The following BTRC variants were observed in gnomAD, a reference collection of about 807,000 sequenced individuals.
BTRC encodes the protein F-box/WD repeat-containing protein 1A.
In BTRC, 42 loss-of-function variants were observed where a neutral mutation model predicts 85.5. The observed-to-expected ratio is 0.49, with a 90% CI of 0.38 to 0.64. The LOEUF is 0.64. Ranked by LOEUF, BTRC falls within the 30% of genes least tolerant of loss-of-function variation. BTRC has a pLI of 0.00. For synonymous variants in BTRC, 255 were observed against 263.3 expected, an observed-to-expected ratio of 0.97 and a Z score of 0.30; for missense variants, 594 against 743.5, an observed-to-expected ratio of 0.80 and a Z score of 2.34.
chr10:101,448,574 C>G (rs1944884736), intron 2 of BTRC, among the ~76,000 whole-genome samples: 1 of 152,106 alleles, frequency 6.6e-6, no homozygotes, highest in Non-Finnish European at 1.5e-5. Flanking sequence ...ACCTTAGGGT[C>G]TGGCTACTTA....
intron 1 of BTRC, 29 bp downstream of exon 1, chr10:101,354,257 G>C (rs1165963426): frequency 6.5e-7 from 1 of 1,547,838 alleles, no homozygotes; most frequent in Non-Finnish European, 8.7e-7. Flanking sequence ...CCGGGGAACG[G>C]TGGAGGCGCT....
At chr10:101,384,628 T>C (rs1943021498) in intron 1 of BTRC, among the ~76,000 whole-genome samples, 2 of 152,210 alleles carry the variant, frequency 1.3e-5, no homozygotes, top group African/African-American at 4.8e-5. Context: ...TTTCAAAGGC[T>C]CAGGTTTGGA....
At chr10:101,523,903 T>C (rs1047487803) in intron 5 of BTRC, among the ~76,000 whole-genome samples, 1 of 152,122 alleles carries the variant, frequency 6.6e-6, no homozygotes, top group Non-Finnish European at 1.5e-5. Flanking sequence ...TGATGATGAA[T>C]TTTTATACAT....
At chr10:101,499,236 T>C (rs1946342528) in intron 4 of BTRC, among the ~76,000 whole-genome samples, 2 of 152,132 alleles carry the variant, frequency 1.3e-5, no homozygotes, top group South Asian at 4.2e-4. Context: ...TGTCTGACAC[T>C]ATGCAGTACT....
At chr10:101,541,555 C>T (rs902028794) in intron 13 of BTRC, among the ~76,000 whole-genome samples, 11 of 152,240 alleles carry the variant, frequency 7.2e-5, no homozygotes, top group Middle Eastern at 3.4e-3. Context: ...CCACCGCGCC[C>T]GGCCTAGGGT....
rs371758415 is a variant in BTRC at position 101,537,870 on chromosome 10, A to G, written c.1578-423A>G. Among the ~76,000 whole-genome samples the G allele has an allele frequency of 2.5e-4, 38 of 152,292 alleles. 2 individuals carry two copies. The South Asian group carries it at 7.0e-3, about 28-fold the overall frequency. ...TGTCTGCTATGTACCTTGAGGAAAC[A>G]TGGCCTATTAAAAGATTTTTGGAAG... On this transcript the variant is annotated intron_variant, in intron 12 of 14. Transcript: ENST00000370187.
At chr10:101,487,859 T>C (rs1946030628) in intron 4 of BTRC, among the ~76,000 whole-genome samples, 1 of 152,112 alleles carries the variant, frequency 6.6e-6, no homozygotes, top group African/African-American at 2.4e-5. Context: ...AGCAAAAAAA[T>C]CTGTGTTTTA....
intron 1 of BTRC, among the ~76,000 whole-genome samples, chr10:101,362,141 A>G (rs1044040975): frequency 2.7e-5 from 4 of 150,556 alleles, no homozygotes; most frequent in African/African-American, 9.8e-5. Context: ...TTGTGTTTTT[A>G]GTAGGGATGG....
chr10:101,550,979 G>A, intron 14 of BTRC, 88 bp downstream of exon 14: 1 of 1,265,876 alleles, frequency 7.9e-7, no homozygotes, highest in Non-Finnish European at 1.1e-6. Context: ...ACTTTCTCCT[G>A]CCGTTTGGGT....
At chr10:101,485,710 A>C (rs1945967470) in intron 4 of BTRC, among the ~76,000 whole-genome samples, 1 of 152,188 alleles carries the variant, frequency 6.6e-6, no homozygotes, top group Admixed American at 6.5e-5. Context: ...TGACTGAGGC[A>C]CTTCAAGATG....
intron 3 of BTRC, 111 bp downstream of exon 3, chr10:101,462,169 C>T (rs1589499689): frequency 2.4e-6 from 2 of 819,402 alleles, no homozygotes; most frequent in East Asian, 5.4e-5. Context: ...ATTAAGAGTA[C>T]TCGGACGTTG....
intron 13 of BTRC, among the ~76,000 whole-genome samples, chr10:101,546,096 G>T (rs1328102471): frequency 6.6e-6 from 1 of 152,208 alleles, no homozygotes; most frequent in East Asian, 1.9e-4. Context: ...GAACATAGTT[G>T]AATTTAGCAG....
intron 1 of BTRC, among the ~76,000 whole-genome samples, chr10:101,415,476 TTTATTTTATTTTATG>T (rs1943908141): frequency 1.0e-3 from 5 of 4,962 alleles, no homozygotes; most frequent in African/African-American, 1.1e-3. Context: ...TTTATTTTAT[TTTATTTTATTTTATG>T]TTATGTTATG....
chr10:101,504,776 C>CTAT (rs1946477306), intron 4 of BTRC, among the ~76,000 whole-genome samples: 3 of 151,828 alleles, frequency 2.0e-5, no homozygotes, highest in African/African-American at 7.3e-5. Context: ...TCACAATAAC[C>CTAT]TATAATTCTC....
intron 1 of BTRC, among the ~76,000 whole-genome samples, chr10:101,398,311 C>G (rs1041621625): frequency 6.6e-6 from 1 of 151,420 alleles, no homozygotes; most frequent in African/African-American, 2.4e-5. Flanking sequence ...TTCTTTTTTT[C>G]TTTTTTTGTT....
At chr10:101,504,608 T>C (rs1239058590) in intron 4 of BTRC, among the ~76,000 whole-genome samples, 1 of 152,074 alleles carries the variant, frequency 6.6e-6, no homozygotes, top group Non-Finnish European at 1.5e-5. Context: ...CTTCCTCTTC[T>C]ACCCTCTTCT....
At chr10:101,442,296 ATGTG>A (rs139018865) in intron 2 of BTRC, among the ~76,000 whole-genome samples, 3 of 141,984 alleles carry the variant, frequency 2.1e-5, no homozygotes, top group East Asian at 2.0e-4. Context: ...CTCTGTGTGT[ATGTG>A]TGTGTGTGTG....
At chr10:101,371,120 A>G (rs1942622675) in intron 1 of BTRC, among the ~76,000 whole-genome samples, 1 of 152,036 alleles carries the variant, frequency 6.6e-6, no homozygotes, top group Non-Finnish European at 1.5e-5. Context: ...CCATTAGACA[A>G]ACTATCGATG....
intron 1 of BTRC, among the ~76,000 whole-genome samples, chr10:101,384,755 T>G (rs924837919): frequency 9.2e-5 from 14 of 152,186 alleles, no homozygotes; most frequent in African/African-American, 3.4e-4. Flanking sequence ...AAGGAGAGAT[T>G]ATTTTTCTTA....
Sources: gnomAD v4.1 joint callset for allele counts (sites outside exome capture counted in the v4.1 genomes callset) on GRCh38, gnomAD v4.1.1 for gene constraint, MANE v1.5 for transcripts, NCBI Gene and HGNC (gene_info 2026-07-23, HGNC 2026-07-21) for gene names.